GDAP1L1: variants seen among roughly 807,000 people sequenced by gnomAD.
GDAP1L1 encodes ganglioside-induced differentiation-associated protein 1-like 1.
In GDAP1L1, 21 loss-of-function variants were observed where a neutral mutation model predicts 37.1. That is an observed-to-expected ratio of 0.57 (90% CI 0.40 to 0.81). GDAP1L1 has a LOEUF of 0.81. Among genes scored for constraint, GDAP1L1 ranks in the 40% least tolerant of loss-of-function variants. The probability of loss-of-function intolerance (pLI) is 0.00; values close to 1 mark genes in which losing one functional copy is unlikely to be tolerated. For missense variants in GDAP1L1, 362 were observed against 491.6 expected (o/e 0.74, Z 2.49); for synonymous variants, 193 against 209.1 (o/e 0.92, Z 0.67).
At chr20:44,264,642 G>T (rs757652912) in intron 5 of GDAP1L1, 83 bp downstream of exon 5, 1 of 1,535,284 alleles carries the variant, frequency 6.5e-7, no homozygotes, top group East Asian at 2.5e-5. Flanking sequence ...TCTTTTTTCC[G>T]CAAAAGTCTC....
At chr20:44,265,177 G>A in intron 5 of GDAP1L1, 1 of 985,306 alleles carries the variant, frequency 1.0e-6, no homozygotes, top group Non-Finnish European at 1.2e-6. Flanking sequence ...AGACATCCAA[G>A]CTCACCCAGA....
chr20:44,276,782 C>T (rs914598310), intron 5 of GDAP1L1, among the ~76,000 whole-genome samples: 4 of 152,154 alleles, frequency 2.6e-5, no homozygotes, highest in Non-Finnish European at 5.9e-5. Flanking sequence ...GCCCTCGTGG[C>T]GTTTCCACTC....
chr20:44,267,612 A>G (rs1600553512), intron 5 of GDAP1L1, among the ~76,000 whole-genome samples: 1 of 149,550 alleles, frequency 6.7e-6, no homozygotes, highest in East Asian at 2.1e-4. Flanking sequence ...CTCTGTCTCA[A>G]AGAGAAAAAA....
chr20:44,263,491 G>C (rs2073709729), intron 4 of GDAP1L1, among the ~76,000 whole-genome samples, 164 bp downstream of exon 4: 1 of 152,178 alleles, frequency 6.6e-6, no homozygotes, highest in Non-Finnish European at 1.5e-5. Context: ...GTTAGACCTG[G>C]GGTAAGCCAC....
chr20:44,252,538 G>A (rs1443396882), intron 1 of GDAP1L1, among the ~76,000 whole-genome samples: 2 of 152,214 alleles, frequency 1.3e-5, no homozygotes, highest in Non-Finnish European at 2.9e-5. Context: ...TACTCGGGAG[G>A]CTGAGACAAG....
In GDAP1L1 at chr20:44,253,570, G is replaced by C. The variant is rs1425376233; in HGVS notation, c.181-3583G>C. Among the ~76,000 whole-genome samples the C allele has an allele frequency of 2.6e-5, 4 of 152,238 alleles. 1 individual carries two copies. The highest frequency in any genetic ancestry group is 4.4e-5 in the Non-Finnish European group (3 of 68,044). On this transcript the variant is annotated intron_variant, in intron 1 of 5. Coordinates refer to ENST00000342560, the MANE Select transcript of GDAP1L1 (RefSeq NM_024034.6). ...GCCTGACCCATGACAATGCGGCACT[G>C]TGGGTGATTTTCAGGCACCAACAGG...
At chr20:44,255,091 C>T (rs944158482) in intron 1 of GDAP1L1, among the ~76,000 whole-genome samples, 1 of 152,128 alleles carries the variant, frequency 6.6e-6, no homozygotes, top group Non-Finnish European at 1.5e-5. Context: ...GTCTGTCTGC[C>T]TCCAAAACCT....
At chr20:44,262,367 G>A (rs937553018) in intron 3 of GDAP1L1, among the ~76,000 whole-genome samples, 1 of 152,122 alleles carries the variant, frequency 6.6e-6, no homozygotes, top group Non-Finnish European at 1.5e-5. Flanking sequence ...CTTGATGTGG[G>A]GTGAGGTAGT....
At chr20:44,276,895 G>C (rs1365359364) in intron 5 of GDAP1L1, among the ~76,000 whole-genome samples, 1 of 152,210 alleles carries the variant, frequency 6.6e-6, no homozygotes, top group Non-Finnish European at 1.5e-5. Context: ...AGGGGAGAGT[G>C]ACTGCTGGGT....
In GDAP1L1 at chr20:44,279,597, C is replaced by T. The variant is rs567813919; in HGVS notation, c.*297C>T. Reference sequence around the variant, plus strand: ...ATCGATTCAAGGTCTCAAGATGGAACTGTGGAGACTGGTTAGGATCTGAGG... The same window carrying T: ...ATCGATTCAAGGTCTCAAGATGGAATTGTGGAGACTGGTTAGGATCTGAGG... On this transcript the variant is annotated 3_prime_UTR_variant, in exon 6 of 6. Coordinates refer to ENST00000342560, the MANE Select transcript of GDAP1L1 (RefSeq NM_024034.6). 6.5e-5 allele frequency: 34 copies of T among 521,616 alleles called. No individual in the cohort carries two copies. In the East Asian group the frequency reaches 1.7e-3, roughly 26 times the overall value. The allele number at this position is 521,616 out of a possible 1,614,324, so 32.3% of individuals were successfully genotyped here.
chr20:44,248,401 T>G (rs1441773763), intron 1 of GDAP1L1, among the ~76,000 whole-genome samples: 5 of 152,266 alleles, frequency 3.3e-5, no homozygotes, highest in Admixed American at 2.6e-4. Context: ...GCGGCACCAC[T>G]GCCTGACCTT....
chr20:44,273,943 T>A (rs1238389204), intron 5 of GDAP1L1, among the ~76,000 whole-genome samples: 2 of 152,186 alleles, frequency 1.3e-5, no homozygotes, highest in Non-Finnish European at 2.9e-5. Flanking sequence ...ACCCACCCAC[T>A]GTATATCATC....
At chr20:44,252,815 C>T (rs1214243526) in intron 1 of GDAP1L1, among the ~76,000 whole-genome samples, 4 of 141,686 alleles carry the variant, frequency 2.8e-5, no homozygotes, top group Non-Finnish European at 6.1e-5. Flanking sequence ...TGAGTGAGAC[C>T]CTGTCTCAAA....
chr20:44,279,172 G>T lies in GDAP1L1; in HGVS notation c.976G>T (p.Val326Phe), dbSNP rs757286643. Residue 326 changes from valine to phenylalanine, a missense_variant, in exon 6 of 6, where the codon GTC becomes TTC. Val to Phe is a conservative substitution (Grantham distance 50). Coordinates refer to ENST00000342560, the MANE Select transcript of GDAP1L1 (RefSeq NM_024034.6). The part of the protein sequence containing the change: ...GDIHTTLLSA[V>F]IPNAFRLVKR... ...CATCCACACCACCCTGCTGTCGGCCGTCATCCCCAATGCTTTCCGGCTGGT... is the reference window on the plus strand; with the variant it reads ...CATCCACACCACCCTGCTGTCGGCCTTCATCCCCAATGCTTTCCGGCTGGT... 10 of 1,613,920 alleles carry T rather than the reference G, an allele frequency of 6.2e-6. No individual in the cohort carries two copies. Among genetic ancestry groups the T allele is most frequent in the Non-Finnish European group, 6.8e-6 (8 of 1,179,926 alleles).
chr20:44,249,728 TG>T (rs2073402924), intron 1 of GDAP1L1, among the ~76,000 whole-genome samples: 1 of 152,222 alleles, frequency 6.6e-6, no homozygotes, highest in Non-Finnish European at 1.5e-5. Context: ...CAAGCTAACC[TG>T]GGCATCCTTC....
rs184010520 is a variant in GDAP1L1 at position 44,260,000 on chromosome 20, G to A, written c.547+1393G>A. Among the ~76,000 whole-genome samples, 64 of 152,234 alleles carry A rather than the reference G, an allele frequency of 4.2e-4. 1 individual carries two copies. The Middle Eastern group carries it at 0.017, about 40-fold the overall frequency. On this transcript the variant is annotated intron_variant, in intron 3 of 5. Transcript: ENST00000342560. ...AGTTTGAATGCGCTCTCAGGAGGGC[G>A]GCCTGGTACTCTATGTCAAACATGA...
At chr20:44,265,910 C>T (rs1391193028) in intron 5 of GDAP1L1, among the ~76,000 whole-genome samples, 2 of 152,110 alleles carry the variant, frequency 1.3e-5, no homozygotes, top group African/African-American at 2.4e-5. Flanking sequence ...GACCTTATGT[C>T]CCGAACAGAG....
At position 44,256,632 on chromosome 20, in the gene GDAP1L1, C is replaced by T. The variant is rs113883442; in HGVS notation, c.181-521C>T. On this transcript the variant is annotated intron_variant, in intron 1 of 5. Transcript: ENST00000342560. Reference sequence around the variant, plus strand: ...CTGAGATTGCGCCACTGCACTCCAGCCTGGGCAATAGAGCAAGACTCTGTC... The same window carrying T: ...CTGAGATTGCGCCACTGCACTCCAGTCTGGGCAATAGAGCAAGACTCTGTC... 7.1e-3 allele frequency among the ~76,000 whole-genome samples: 1,081 copies of T among 151,870 alleles called. 16 individuals are homozygous for T. The highest frequency in any genetic ancestry group is 0.025 in the African/African-American group (1,041 of 41,366).
chr20:44,264,439 C>T lies in GDAP1L1; in HGVS notation c.646-6C>T, dbSNP rs776556588. On this transcript the variant is annotated splice_region_variant and splice_polypyrimidine_tract_variant and intron_variant, in intron 4 of 5. Transcript: ENST00000342560. Reference sequence around the variant, plus strand: ...TCAGCTTCTCTTGGCCCTGTCCTGCCCCCAGGCCAAGATCTTGGAGCATGA... The same window carrying T: ...TCAGCTTCTCTTGGCCCTGTCCTGCTCCCAGGCCAAGATCTTGGAGCATGA... The T allele has an allele frequency of 7.4e-6, 11 of 1,487,430 alleles. No individual in the cohort carries two copies. Among genetic ancestry groups the T allele is most frequent in the African/African-American group, 1.4e-5 (1 of 70,978 alleles). The allele number at this position is 1,487,430 out of a possible 1,614,324, so 92.1% of individuals were successfully genotyped here.
Sources: allele counts gnomAD v4.1 joint callset (sites outside exome capture counted in the v4.1 genomes callset), GRCh38; gene constraint gnomAD v4.1.1; transcripts MANE v1.5; gene names NCBI Gene and HGNC (gene_info 2026-07-23, HGNC 2026-07-21).